Variants in TEX14 observed in about 807,000 individuals in gnomAD.
The protein encoded by TEX14 is inactive serine/threonine-protein kinase TEX14.
In TEX14, 168 loss-of-function variants were observed where a neutral mutation model predicts 178.6. The observed-to-expected ratio is 0.94, with a 90% CI of 0.83 to 1.07. The LOEUF (loss-of-function observed/expected upper bound fraction) is 1.07, where lower values mean the gene tolerates loss of function less well. Ranked by LOEUF, TEX14 falls within the 50% of genes least tolerant of loss-of-function variation. TEX14 has a pLI of 0.00. For synonymous variants in TEX14, 626 were observed against 634.1 expected (o/e 0.99, Z 0.19); for missense variants, 1,730 against 1,753.6 (o/e 0.99, Z 0.24).
intron 5 of TEX14, 119 bp downstream of exon 5, chr17:58,621,531 G>T: frequency 1.9e-6 from 2 of 1,039,678 alleles, no homozygotes; most frequent in Non-Finnish European, 1.4e-6. Flanking sequence ...CACCCCTTTG[G>T]ATGGGCCAGA....
intron 10 of TEX14, among the ~76,000 whole-genome samples, chr17:58,607,144 T>C (rs1443908506): frequency 6.6e-6 from 1 of 152,098 alleles, no homozygotes; most frequent in Non-Finnish European, 1.5e-5. Flanking sequence ...AGTAGAGTGT[T>C]ACCAAAAATA....
chr17:58,648,891 GCC>G (rs1397334313), intron 2 of TEX14, among the ~76,000 whole-genome samples: 1 of 145,788 alleles, frequency 6.9e-6, no homozygotes, highest in African/African-American at 2.5e-5. Flanking sequence ...CCGGGTTCAT[GCC>G]ATTCTCCTGC....
intron 1 of TEX14, 62 bp downstream of exon 1, chr17:58,691,877 C>T (rs995349562): frequency 4.6e-5 from 7 of 152,220 alleles, no homozygotes; most frequent in African/African-American, 1.7e-4. Context: ...TTGTGTAGCC[C>T]AGCCCCTCCT....
At chr17:58,631,186 G>T (rs1479787116) in intron 2 of TEX14, 1 of 981,284 alleles carries the variant, frequency 1.0e-6, no homozygotes, top group South Asian at 4.7e-5. Flanking sequence ...AAGCCTGGAG[G>T]CGCAGTGGCT....
Position 58,652,475 on chromosome 17 carries a change from C to G in TEX14, c.-1-473G>C, listed in dbSNP as rs143732315. 5.2e-3 allele frequency among the ~76,000 whole-genome samples: 797 copies of G among 152,236 alleles called. 5 individuals are homozygous for G. Among genetic ancestry groups the G allele is most frequent in the South Asian group, 0.012 (60 of 4,818 alleles). On this transcript the variant is annotated intron_variant, in intron 1 of 31. Transcript: ENST00000349033. ...TCAGTACTTCTCCTTCCTGCCATCACGTGAAGAAGGACGTGTTTGCTTCCC... is the reference window on the plus strand; with the variant it reads ...TCAGTACTTCTCCTTCCTGCCATCAGGTGAAGAAGGACGTGTTTGCTTCCC...
At chr17:58,681,823 A>G (rs554476673) in intron 1 of TEX14, among the ~76,000 whole-genome samples, 1 of 152,252 alleles carries the variant, frequency 6.6e-6, no homozygotes, top group African/African-American at 2.4e-5. Context: ...AGCCTGGGTG[A>G]CAGCAGGAAA....
chr17:58,643,874 CAAAAAAAAAA>C (rs71143262), intron 2 of TEX14, among the ~76,000 whole-genome samples: 46 of 20,536 alleles, frequency 2.2e-3, no homozygotes, highest in African/African-American at 2.9e-3. Context: ...GACTCTGTCT[CAAAAAAAAAA>C]AAAAAAAAAA....
intron 1 of TEX14, among the ~76,000 whole-genome samples, chr17:58,682,566 A>C (rs1209894965): frequency 6.6e-6 from 1 of 151,908 alleles, no homozygotes; most frequent in African/African-American, 2.4e-5. Flanking sequence ...TCCTCCAACC[A>C]GATTTCAAAG....
chr17:58,649,501 C>G (rs1219905366), intron 2 of TEX14, among the ~76,000 whole-genome samples: 1 of 152,162 alleles, frequency 6.6e-6, no homozygotes, highest in African/African-American at 2.4e-5. Flanking sequence ...ATAGAATTCC[C>G]AGACACAGAT....
rs201510939 is a variant in TEX14 at position 58,611,338 on chromosome 17, C to T, written c.1007G>A (p.Arg336Gln). 38 of 1,610,042 alleles carry T rather than the reference C, an allele frequency of 2.4e-5. No homozygotes were observed. The Middle Eastern group carries it at 5.3e-4, about 22-fold the overall frequency. ...CATGTGCAGCACTGGGAACTGGGAC[C>T]GCTGCAAGCAAGAGATGAAATGCCA... The part of the protein sequence containing the change: ...GTLFSVLHER[R>Q]SQFPVLHMEV... The change falls in exon 10 of 32, where the codon CGG (arginine) becomes CAG (glutamine). Residue 336 changes from arginine (R) to glutamine (Q), a missense_variant and splice_region_variant. Physicochemically the swap from Arg to Gln is conservative, Grantham distance 43. Coordinates refer to ENST00000349033, the MANE Select transcript of TEX14 (RefSeq NM_031272.5).
chr17:58,565,026 G>A, intron 27 of TEX14, 58 bp from the exon 28 acceptor site: 1 of 1,180,104 alleles, frequency 8.5e-7, no homozygotes, highest in South Asian at 1.3e-5. Flanking sequence ...GAGAAAGCTT[G>A]CCTTAAAATA....
intron 1 of TEX14, among the ~76,000 whole-genome samples, chr17:58,654,081 G>A (rs1457632423): frequency 6.6e-6 from 1 of 152,180 alleles, no homozygotes; most frequent in Non-Finnish European, 1.5e-5. Context: ...GGGAGACTGA[G>A]GCGGGAGAAT....
At chr17:58,644,571 C>T (rs1362670934) in intron 2 of TEX14, among the ~76,000 whole-genome samples, 1 of 150,796 alleles carries the variant, frequency 6.6e-6, no homozygotes, top group Non-Finnish European at 1.5e-5. Flanking sequence ...AACTCCTGAC[C>T]TCAAGTGATC....
intron 14 of TEX14, among the ~76,000 whole-genome samples, chr17:58,597,654 A>G (rs1264188211): frequency 1.3e-5 from 2 of 152,194 alleles, no homozygotes; most frequent in African/African-American, 4.8e-5. Flanking sequence ...TGACAGGGCT[A>G]ATCCATGTCT....
chr17:58,673,397 C>T (rs1372485102), intron 1 of TEX14, among the ~76,000 whole-genome samples: 5 of 150,474 alleles, frequency 3.3e-5, no homozygotes, highest in Non-Finnish European at 5.9e-5. Context: ...GCAGGAAAAT[C>T]GGTTGAACCC....
At chr17:58,629,789 C>T (rs1314875667) in intron 3 of TEX14, among the ~76,000 whole-genome samples, 1 of 150,442 alleles carries the variant, frequency 6.6e-6, no homozygotes, top group East Asian at 2.0e-4. Flanking sequence ...GAGCCGAGAT[C>T]GCACCACTGC....
chr17:58,635,864 G>T (rs892060687), intron 2 of TEX14, among the ~76,000 whole-genome samples: 2 of 152,058 alleles, frequency 1.3e-5, no homozygotes, highest in African/African-American at 4.8e-5. Context: ...TCCTGCCTCA[G>T]CCTCCCCAGT....
At chr17:58,605,201 T>G (rs145465609) in intron 10 of TEX14, 72 bp from the exon 11 acceptor site, 3 of 1,515,908 alleles carry the variant, frequency 2.0e-6, no homozygotes, top group Middle Eastern at 2.3e-4. Context: ...ATTCATTCAT[T>G]CTTTCATTCA....
At chr17:58,583,898 G>A (rs570357000) in intron 19 of TEX14, among the ~76,000 whole-genome samples, 32 of 152,246 alleles carry the variant, frequency 2.1e-4, no homozygotes, top group African/African-American at 7.7e-4. Context: ...ATTCTCAATT[G>A]CTGTCTATAT....
Sources: allele counts gnomAD v4.1 joint callset (sites outside exome capture counted in the v4.1 genomes callset), GRCh38; gene constraint gnomAD v4.1.1; transcripts MANE v1.5; gene names NCBI Gene and HGNC (gene_info 2026-07-23, HGNC 2026-07-21).